The following DMD variants were observed in gnomAD, a reference collection of about 807,000 sequenced individuals.
DMD encodes mutant dystrophin.
DMD carries 63 observed loss-of-function variants against 330.1 expected under a neutral mutation model. The observed-to-expected ratio is 0.19, with a 90% CI of 0.16 to 0.24. The LOEUF is 0.24. Ranked by LOEUF, DMD falls within the 10% of genes least tolerant of loss-of-function variation. The pLI is 1.00. For synonymous variants in DMD, 1,223 were observed against 959.8 expected, an observed-to-expected ratio of 1.27 and a Z score of -5.07; for missense variants, 3,344 against 2,684.1, an observed-to-expected ratio of 1.25 and a Z score of -5.43.
At chrX:32,423,211 T>C (rs1171285270) in intron 29 of DMD, among the ~76,000 whole-genome samples, 1 of 108,562 alleles carries the variant, frequency 9.2e-6, no homozygotes, top group Non-Finnish European at 1.9e-5. Flanking sequence ...TCTTTTGTTA[T>C]TCCAACTTTA....
chrX:31,862,777 T>C (rs1160494711), intron 48 of DMD, among the ~76,000 whole-genome samples: 1 of 112,450 alleles, frequency 8.9e-6, no homozygotes, highest in African/African-American at 3.2e-5. Context: ...CTTAAGGAGA[T>C]GAGTAACTCC....
intron 7 of DMD, among the ~76,000 whole-genome samples, chrX:32,771,319 A>G (rs12010026): frequency 0.034 from 3,813 of 111,570 alleles, 152 homozygotes; most frequent in African/African-American, 0.12. Flanking sequence ...TGATCATGCC[A>G]GCCTTAGAAA....
At position 32,459,886 on chromosome X, in the gene DMD, T is replaced by A. The variant is rs185866770; in HGVS notation, c.3432+3553A>T. ...ATGTAATGAGGATACTAATCCTCTGTTGGATGAGTAGTTTGCAAATATTTT... is the reference window on the plus strand; with the variant it reads ...ATGTAATGAGGATACTAATCCTCTGATGGATGAGTAGTTTGCAAATATTTT... On this transcript the variant is annotated intron_variant, in intron 25 of 78. Coordinates refer to ENST00000357033, the MANE Select transcript of DMD (RefSeq NM_004006.3). Among the ~76,000 whole-genome samples, 550 of 111,470 alleles carry A rather than the reference T, an allele frequency of 4.9e-3. 6 individuals carry two copies. Among genetic ancestry groups the A allele is most frequent in the African/African-American group, 0.017 (530 of 30,834 alleles).
chrX:31,537,257 G>A (rs962811330), intron 55 of DMD, among the ~76,000 whole-genome samples: 3 of 111,543 alleles, frequency 2.7e-5, no homozygotes, highest in African/African-American at 9.8e-5. Context: ...CTTGGATTCT[G>A]TGACATCACA....
intron 75 of DMD, 51 bp downstream of exon 75, chrX:31,147,224 T>C: frequency 5.8e-6 from 7 of 1,208,437 alleles, no homozygotes; most frequent in Non-Finnish European, 7.8e-6. Flanking sequence ...GGTTTAGTTT[T>C]GTTTAAGAGG....
rs2147606547 is a variant in DMD, at chrX:32,699,254, A to G, written c.689T>C (p.Met230Thr). ...AACTTGGAAGAGTGATGTGATGTAC[A>G]TTAAGATGGACTTCTTATCTGGATA... Reference protein sequence around the residue: ...TTYPDKKSILMYITSLFQVLP... With the variant: ...TTYPDKKSILTYITSLFQVLP... The change falls in exon 8 of 79, where the codon ATG becomes ACG. Residue 230 changes from methionine (M) to threonine (T), a missense_variant. By Grantham distance (81) the Met-to-Thr change is moderately conservative. Coordinates refer to ENST00000357033, the MANE Select transcript of DMD (RefSeq NM_004006.3). The G allele has an allele frequency of 8.3e-7, 1 of 1,209,699 alleles. No individual in the cohort carries two copies. The highest frequency in any genetic ancestry group is 1.7e-5 in the African/African-American group (1 of 57,794).
In DMD at chrX:31,146,394, C is replaced by T. The variant is rs998357801; in HGVS notation, c.10818G>A (p.Val3606=). The T allele has an allele frequency of 2.5e-6, 3 of 1,210,466 alleles. No individual in the cohort carries two copies. The highest frequency in any genetic ancestry group is 3.4e-6 in the Non-Finnish European group (3 of 894,501). Residue 3606 remains valine, a synonymous_variant, in exon 76 of 79, where the codon GTG becomes GTA. Coordinates refer to ENST00000357033, the MANE Select transcript of DMD (RefSeq NM_004006.3). ...LLEQPQAEAK[V]NGTTVSSPST... ...AAGGAGAGGACACCGTTGTGCCATT[C>T]ACTTTGGCCTCTGCCTGGGGCTAAG...
rs759430893 is a variant in DMD, at chrX:31,374,127, A to G, written c.9085-25493T>C. Among the ~76,000 whole-genome samples the G allele has an allele frequency of 1.5e-4, 13 of 86,404 alleles. No homozygotes were observed. The South Asian group carries it at 8.6e-3, about 57-fold the overall frequency. 75.0% of individuals were successfully genotyped at this position (86,404 alleles called of 115,157 possible). ...CAAATCAAAACCACAATGAGATACC[A>G]TCTCACACCAGTTAGAATGGCGGTC... On this transcript the variant is annotated intron_variant, in intron 60 of 78. Coordinates refer to ENST00000357033, the MANE Select transcript of DMD (RefSeq NM_004006.3).
rs1216000876 is a variant in DMD at position 32,386,324 on chromosome X, C to T, written c.4660G>A (p.Glu1554Lys). 8.3e-7 allele frequency: 1 copy of T among 1,208,812 alleles called. No homozygotes were observed. Among genetic ancestry groups the T allele is most frequent in the Non-Finnish European group, 1.1e-6 (1 of 893,604 alleles). Residue 1554 changes from glutamate (E) to lysine (K), a missense_variant, in exon 33 of 79, where the codon GAG becomes AAG. By Grantham distance (56) the Glu-to-Lys change is moderately conservative. Coordinates refer to ENST00000357033, the MANE Select transcript of DMD (RefSeq NM_004006.3). ...RVTALKLHYN[E>K]LGAKVTERKQ... is the part of the protein sequence containing the mutation. ...CATGCACACACCTTTGCTCCCAGCTCATTATAATGCAATTTCAAAGCTGTT... is the reference window on the plus strand; with the variant it reads ...CATGCACACACCTTTGCTCCCAGCTTATTATAATGCAATTTCAAAGCTGTT...
chrX:33,180,555 G>A (rs748832953), intron 1 of DMD, among the ~76,000 whole-genome samples: 4 of 111,124 alleles, frequency 3.6e-5, no homozygotes, highest in South Asian at 3.8e-4. Flanking sequence ...ATCTCTGTTC[G>A]TTGTGGCCTA....
intron 1 of DMD, among the ~76,000 whole-genome samples, chrX:33,246,061 A>G (rs972251206): frequency 1.8e-5 from 2 of 112,241 alleles, no homozygotes; most frequent in Non-Finnish European, 3.8e-5. Flanking sequence ...AATGAAATGT[A>G]GTACATATCC....
intron 2 of DMD, among the ~76,000 whole-genome samples, chrX:32,952,139 G>GTT (rs1311158904): frequency 3.0e-5 from 3 of 100,869 alleles, no homozygotes; most frequent in East Asian, 6.2e-4. Context: ...TTTTTTGTTT[G>GTT]TTTTTTTTTT....
At chrX:31,894,840 C>T (rs1252113139) in intron 47 of DMD, among the ~76,000 whole-genome samples, 1 of 111,681 alleles carries the variant, frequency 9.0e-6, no homozygotes, top group African/African-American at 3.3e-5. Context: ...TCTTTTTCAT[C>T]ACTTTTATAT....
intron 1 of DMD, among the ~76,000 whole-genome samples, chrX:33,310,102 C>CA (rs926150579): frequency 9.0e-6 from 1 of 110,761 alleles, no homozygotes; most frequent in Non-Finnish European, 1.9e-5. Context: ...ATAACAACAA[C>CA]AAAAAACTAC....
chrX:32,495,190 G>T (rs2043369744), intron 19 of DMD, among the ~76,000 whole-genome samples: 1 of 111,828 alleles, frequency 8.9e-6, no homozygotes, highest in Non-Finnish European at 1.9e-5. Flanking sequence ...AATTCATTGT[G>T]AATATGCTGC....
chrX:32,804,667 C>G (rs1336726788), intron 7 of DMD, among the ~76,000 whole-genome samples: 1 of 112,467 alleles, frequency 8.9e-6, no homozygotes, highest in Non-Finnish European at 1.9e-5. Context: ...GACCCCCGTG[C>G]CTCCTGCCTA....
At chrX:31,681,262 C>A (rs1317359941) in intron 52 of DMD, among the ~76,000 whole-genome samples, 1 of 112,068 alleles carries the variant, frequency 8.9e-6, no homozygotes, top group African/African-American at 3.2e-5. Context: ...TATGATCTTG[C>A]CTAGATAATC....
At chrX:32,793,623 T>C (rs979657454) in intron 7 of DMD, among the ~76,000 whole-genome samples, 1 of 110,819 alleles carries the variant, frequency 9.0e-6, no homozygotes, top group African/African-American at 3.3e-5. Flanking sequence ...TCAGAGACTA[T>C]ACTGAACAAC....
chrX:31,831,615 A>T (rs973379745), intron 49 of DMD, among the ~76,000 whole-genome samples: 1 of 110,836 alleles, frequency 9.0e-6, no homozygotes, highest in Admixed American at 9.6e-5. Context: ...TTATTTATTT[A>T]TGAGATGGAG....
Sources: gnomAD v4.1 joint callset for allele counts (sites outside exome capture counted in the v4.1 genomes callset) on GRCh38, gnomAD v4.1.1 for gene constraint, MANE v1.5 for transcripts, NCBI Gene and HGNC (gene_info 2026-07-23, HGNC 2026-07-21) for gene names.